The following DISP1 variants were observed in gnomAD, a reference collection of about 807,000 sequenced individuals.
DISP1 encodes the protein protein dispatched homolog 1.
Under a neutral mutation model 37.3 loss-of-function variants are expected in DISP1, and 30 were observed. The observed-to-expected ratio is 0.80, with a 90% CI of 0.60 to 1.09. DISP1 has a LOEUF of 1.09. Among genes scored for constraint, DISP1 ranks in the 50% least tolerant of loss-of-function variants. The pLI, the probability that DISP1 is intolerant of heterozygous loss-of-function variation, is 0.00. For missense variants in DISP1, 1,598 were observed against 1,879.5 expected (o/e 0.85, Z 2.77); for synonymous variants, 634 against 690.2 (o/e 0.92, Z 1.28).
chr1:222,851,390 G>A (rs1051481551), intron 1 of DISP1, among the ~76,000 whole-genome samples: 2 of 151,982 alleles, frequency 1.3e-5, no homozygotes, highest in Non-Finnish European at 2.9e-5. Context: ...TAAACGAGAG[G>A]TTCCATAGTT....
chr1:222,898,773 A>G (rs1393221389), intron 1 of DISP1, among the ~76,000 whole-genome samples: 4 of 152,180 alleles, frequency 2.6e-5, no homozygotes, highest in Admixed American at 2.6e-4. Flanking sequence ...TCAGTGTTTA[A>G]TAGATAATGT....
chr1:222,878,483 C>T (rs1399985851), intron 1 of DISP1, among the ~76,000 whole-genome samples: 1 of 152,118 alleles, frequency 6.6e-6, no homozygotes, highest in Non-Finnish European at 1.5e-5. Flanking sequence ...CCTTTTTTAA[C>T]AGTATACCCC....
At chr1:222,944,389 T>A (rs1169546736) in intron 3 of DISP1, among the ~76,000 whole-genome samples, 1 of 152,190 alleles carries the variant, frequency 6.6e-6, no homozygotes, top group Non-Finnish European at 1.5e-5. Context: ...TGGTAATATA[T>A]TTTACAAAAT....
chr1:223,002,301 T>A, intron 8 of DISP1, 84 bp from the exon 9 acceptor site: 1 of 1,248,972 alleles, frequency 8.0e-7, no homozygotes, highest in Non-Finnish European at 1.2e-6. Flanking sequence ...TCCCTCAAGA[T>A]CACCTTAGTG....
chr1:222,936,527 G>GTC (rs201636227), intron 2 of DISP1, among the ~76,000 whole-genome samples: 11 of 99,152 alleles, frequency 1.1e-4, no homozygotes, highest in African/African-American at 1.4e-4. Context: ...TGATGGAAAT[G>GTC]TCTCTCTCTC....
intron 6 of DISP1, 105 bp downstream of exon 6, chr1:222,991,752 T>C: frequency 7.7e-7 from 1 of 1,304,590 alleles, no homozygotes; most frequent in Non-Finnish European, 1.1e-6. Context: ...AATGTGTGGC[T>C]CAAAATCTTT....
chr1:222,902,981 G>T (rs1393134449), intron 1 of DISP1, among the ~76,000 whole-genome samples: 1 of 151,860 alleles, frequency 6.6e-6, no homozygotes, highest in Non-Finnish European at 1.5e-5. Context: ...AAATCATGCT[G>T]CTATAAAGAC....
intron 4 of DISP1, among the ~76,000 whole-genome samples, chr1:222,985,644 C>T (rs191054034): frequency 1.0e-3 from 159 of 152,056 alleles, no homozygotes; most frequent in Non-Finnish European, 1.9e-3. Flanking sequence ...AGCAAGACTC[C>T]GTCTCGGGGT....
chr1:222,949,215 C>T (rs1034965054), intron 3 of DISP1, among the ~76,000 whole-genome samples: 4 of 152,016 alleles, frequency 2.6e-5, no homozygotes, highest in African/African-American at 4.8e-5. Context: ...CCAGCAATGG[C>T]GAAACCCTGT....
chr1:222,991,677 T>A (rs751937214), intron 6 of DISP1, 30 bp downstream of exon 6: 1 of 1,599,192 alleles, frequency 6.3e-7, no homozygotes, highest in Non-Finnish European at 8.5e-7. Context: ...TATATAACTT[T>A]TAGACAAAAC....
intron 1 of DISP1, among the ~76,000 whole-genome samples, chr1:222,867,493 C>T (rs1669262853): frequency 6.6e-6 from 1 of 151,880 alleles, no homozygotes; most frequent in African/African-American, 2.4e-5. Context: ...GTTAGGAAAC[C>T]CTTTGTGCAA....
intron 1 of DISP1, chr1:222,837,408 T>G: frequency 4.7e-6 from 1 of 212,456 alleles, no homozygotes; most frequent in East Asian, 9.6e-5. Context: ...TTGGTATTTC[T>G]TTGTTATAGC....
chr1:222,997,818 C>T (rs1194849876), intron 8 of DISP1, among the ~76,000 whole-genome samples: 1 of 152,044 alleles, frequency 6.6e-6, no homozygotes, highest in Non-Finnish European at 1.5e-5. Context: ...AGGAAGAGAG[C>T]AGTATTGCGG....
At chr1:222,829,459 T>C (rs980705612) in intron 1 of DISP1, among the ~76,000 whole-genome samples, 49 of 150,634 alleles carry the variant, frequency 3.3e-4, no homozygotes, top group Admixed American at 7.9e-4. Flanking sequence ...TTTTTTTTTT[T>C]CATGAGATAG....
chr1:222,829,352 G>A (rs578213771), intron 1 of DISP1, among the ~76,000 whole-genome samples: 3 of 151,998 alleles, frequency 2.0e-5, no homozygotes, highest in Non-Finnish European at 4.4e-5. Context: ...TCTTTGTATT[G>A]GAATTTTACA....
intron 1 of DISP1, among the ~76,000 whole-genome samples, chr1:222,861,873 A>G: frequency 6.6e-6 from 1 of 152,224 alleles, no homozygotes; most frequent in East Asian, 1.9e-4. Flanking sequence ...ATTTTTAGGA[A>G]TGTTTATTGT....
chr1:222,960,747 G>A (rs1335260207), intron 3 of DISP1, among the ~76,000 whole-genome samples: 4 of 148,764 alleles, frequency 2.7e-5, no homozygotes, highest in Non-Finnish European at 4.5e-5. Context: ...AAAGAGAGAA[G>A]AATCAAATCG....
At chr1:222,833,001 C>T (rs372357293) in intron 1 of DISP1, among the ~76,000 whole-genome samples, 31 of 151,994 alleles carry the variant, frequency 2.0e-4, no homozygotes, top group African/African-American at 7.0e-4. Flanking sequence ...TTAAATAAAT[C>T]ACAACCCAAA....
chr1:222,856,713 T>G (rs1053280436), intron 1 of DISP1, among the ~76,000 whole-genome samples: 1 of 150,374 alleles, frequency 6.7e-6, no homozygotes, highest in Non-Finnish European at 1.5e-5. Context: ...TTCGTTTTTT[T>G]TTTTTTTTTG....
Sources: allele counts gnomAD v4.1 joint callset (sites outside exome capture counted in the v4.1 genomes callset), GRCh38; gene constraint gnomAD v4.1.1; transcripts MANE v1.5; gene names NCBI Gene and HGNC (gene_info 2026-07-23, HGNC 2026-07-21).